MDH1: variants seen among roughly 807,000 people sequenced by gnomAD.
MDH1 encodes the protein malate dehydrogenase, cytoplasmic.
Under a neutral mutation model 38.7 loss-of-function variants are expected in MDH1, and 15 were observed. The ratio of observed to expected loss-of-function variants is 0.39; its 90% CI spans 0.26 to 0.60. The LOEUF (loss-of-function observed/expected upper bound fraction) is 0.60. Among genes scored for constraint, MDH1 ranks in the 20% least tolerant of loss-of-function variants. The probability of loss-of-function intolerance (pLI) is 0.56; values close to 1 mark genes in which losing one functional copy is unlikely to be tolerated. For synonymous variants in MDH1, 144 were observed against 143.6 expected, an observed-to-expected ratio of 1.00 and a Z score of -0.02; for missense variants, 368 against 405.2, an observed-to-expected ratio of 0.91 and a Z score of 0.79.
At chr2:63,595,748 T>A (rs1178247114) in intron 3 of MDH1, among the ~76,000 whole-genome samples, 1 of 152,184 alleles carries the variant, frequency 6.6e-6, no homozygotes, top group Non-Finnish European at 1.5e-5. Flanking sequence ...CCAATGTGTG[T>A]GTGTATATAA....
intron 1 of MDH1, among the ~76,000 whole-genome samples, chr2:63,591,398 G>T (rs1362295154): frequency 1.3e-5 from 2 of 152,204 alleles, no homozygotes; most frequent in Non-Finnish European, 2.9e-5. Flanking sequence ...ACCTGGGAAA[G>T]TAATTTCCCC....
At chr2:63,592,593 G>A (rs1173526328) in intron 1 of MDH1, among the ~76,000 whole-genome samples, 2 of 152,200 alleles carry the variant, frequency 1.3e-5, no homozygotes, top group South Asian at 2.1e-4. Context: ...TGATCCACCC[G>A]CCTTGTCCCC....
In MDH1 at chr2:63,595,029, A is replaced by G. The variant is rs1486523878; in HGVS notation, c.103-394A>G. On this transcript the variant is annotated intron_variant, in intron 2 of 8. Coordinates refer to ENST00000233114, the MANE Select transcript of MDH1 (RefSeq NM_005917.4). ...ACTAAAATCCTTTTCTAAGGTATTCATTTATTCAGTTTCTTGACCCATGGA... is the reference window on the plus strand; with the variant it reads ...ACTAAAATCCTTTTCTAAGGTATTCGTTTATTCAGTTTCTTGACCCATGGA... 1.1e-5 allele frequency: 3 copies of G among 284,778 alleles called. No homozygotes were observed. In the East Asian group the frequency reaches 3.0e-4, roughly 29 times the overall value. The allele number at this position is 284,778 out of a possible 1,614,324, so 17.6% of individuals were successfully genotyped here.
At chr2:63,601,455 G>A (rs936806595) in intron 5 of MDH1, among the ~76,000 whole-genome samples, 7 of 152,202 alleles carry the variant, frequency 4.6e-5, no homozygotes, top group African/African-American at 1.7e-4. Flanking sequence ...AATGATACCA[G>A]TTAGCTTGTA....
At chr2:63,599,418 T>C in intron 5 of MDH1, 126 bp downstream of exon 5, 2 of 917,184 alleles carry the variant, frequency 2.2e-6, no homozygotes, top group Non-Finnish European at 3.1e-6. Flanking sequence ...CCTATTACTT[T>C]TATTAAATTA....
Position 63,594,162 on chromosome 2 carries a change from C to T in MDH1, c.4-326C>T. On this transcript the variant is annotated intron_variant, in intron 1 of 8. Transcript: ENST00000233114. Reference sequence around the variant, plus strand: ...CTTTGCATAATAAGGATTTGTGTGGCTCTAGTGGCTGCCAGGGTTTGGATC... The same window carrying T: ...CTTTGCATAATAAGGATTTGTGTGGTTCTAGTGGCTGCCAGGGTTTGGATC... 4.0e-5 allele frequency: 19 copies of T among 479,418 alleles called. 3 individuals carry two copies. Among genetic ancestry groups the T allele is most frequent in the Middle Eastern group, 3.4e-4 (1 of 2,984 alleles). 29.7% of individuals were successfully genotyped at this position (479,418 alleles called of 1,614,324 possible).
intron 1 of MDH1, chr2:63,593,043 C>T: frequency 6.6e-6 from 1 of 151,456 alleles, no homozygotes; most frequent in East Asian, 1.9e-4. Context: ...ATGTAGTTGG[C>T]TATGATCAAA....
intron 8 of MDH1, among the ~76,000 whole-genome samples, chr2:63,606,512 A>G (rs1709532836): frequency 6.6e-6 from 1 of 152,214 alleles, no homozygotes; most frequent in Non-Finnish European, 1.5e-5. Flanking sequence ...TTAATCTGGA[A>G]AGGAAGATTC....
chr2:63,593,581 C>G (rs749161514), intron 1 of MDH1: 3 of 471,366 alleles, frequency 6.4e-6, no homozygotes, highest in Non-Finnish European at 1.3e-5. Flanking sequence ...AAAAAGAAAC[C>G]AAACACTTCT....
intron 5 of MDH1, among the ~76,000 whole-genome samples, chr2:63,603,425 C>T (rs262470): frequency 0.8 from 122,135 of 152,096 alleles, 49,700 homozygotes; most frequent in East Asian, 0.98. Flanking sequence ...CAACTAGTTT[C>T]TTCTCCCATT....
In MDH1 at chr2:63,606,096, T is replaced by C. The variant is rs563699408; in HGVS notation, c.879+68T>C. ...TATATGTTTCTCTTAAGAATGGTAT[T>C]ATTGGCCAGGCACAGTGGCTCACGC... On this transcript the variant is annotated intron_variant, in intron 8 of 8. Coordinates refer to ENST00000233114, the MANE Select transcript of MDH1 (RefSeq NM_005917.4). 20 of 1,411,532 alleles carry C rather than the reference T, an allele frequency of 1.4e-5. No homozygotes were observed. The South Asian group carries it at 2.2e-4, about 15-fold the overall frequency. The allele number at this position is 1,411,532 out of a possible 1,614,324, so 87.4% of individuals were successfully genotyped here.
At chr2:63,596,248 T>C (rs1415086708) in intron 3 of MDH1, among the ~76,000 whole-genome samples, 10 of 152,214 alleles carry the variant, frequency 6.6e-5, no homozygotes, top group Non-Finnish European at 1.5e-4. Flanking sequence ...TCCTAGAAGT[T>C]TGCACAAAGC....
At position 63,604,876 on chromosome 2, in the gene MDH1, A is replaced by G. The variant is rs779968841; in HGVS notation, c.675+4A>G. ...GCTCAAGGGAGAATTTGTCACGGTA[A>G]GAAAAATCTGTGAGCCTTCTTAACA... On this transcript the variant is annotated splice_donor_region_variant and intron_variant, in intron 6 of 8. Transcript: ENST00000233114. 3 of 1,613,750 alleles carry G rather than the reference A, an allele frequency of 1.9e-6. No individual in the cohort carries two copies. In the African/African-American group the frequency reaches 4.0e-5, roughly 22 times the overall value.
chr2:63,598,838 G>A (rs926184615), intron 4 of MDH1, among the ~76,000 whole-genome samples: 3 of 147,484 alleles, frequency 2.0e-5, no homozygotes, highest in East Asian at 2.0e-4. Flanking sequence ...ATATTTGCCA[G>A]CACTGCACTA....
rs1166652297 is a variant in MDH1, at chr2:63,595,503, C to T, written c.183C>T (p.Ala61=). ...DGVLMELQDC[A]LPLLKDVIAT... is the part of the protein sequence containing the mutation. ...TCCTAATGGAACTGCAAGACTGTGC[C>T]CTTCCCCTCCTGAAAGGTGGGTTGG... The change falls in exon 3 of 9, where the codon GCC becomes GCT. Residue 61 remains alanine (A), a synonymous_variant. Transcript: ENST00000233114. 1.2e-6 allele frequency: 2 copies of T among 1,608,354 alleles called. No individual in the cohort carries two copies. Among genetic ancestry groups the T allele is most frequent in the Admixed American group, 1.7e-5 (1 of 60,006 alleles).
intron 5 of MDH1, among the ~76,000 whole-genome samples, chr2:63,602,878 C>A (rs1441246583): frequency 6.6e-6 from 1 of 150,826 alleles, no homozygotes; most frequent in Non-Finnish European, 1.5e-5. Context: ...TTTCCACTTA[C>A]CCCTTTTATT....
chr2:63,604,388 G>A (rs1709487663), intron 5 of MDH1, among the ~76,000 whole-genome samples: 1 of 152,128 alleles, frequency 6.6e-6, no homozygotes, highest in Non-Finnish European at 1.5e-5. Context: ...ATAAATAATA[G>A]TAACGATTAA....
chr2:63,593,470 T>C, intron 1 of MDH1: 1 of 448,912 alleles, frequency 2.2e-6, no homozygotes. Flanking sequence ...GCTGCTAACT[T>C]TCAGAGCTTA....
intron 2 of MDH1, 85 bp from the exon 3 acceptor site, chr2:63,595,338 A>G (rs1397435070): frequency 1.2e-6 from 1 of 847,186 alleles, no homozygotes; most frequent in South Asian, 1.4e-5. Context: ...GCATGTACAT[A>G]CCAAATAAAA....
Sources: gnomAD v4.1 joint callset for allele counts (sites outside exome capture counted in the v4.1 genomes callset) on GRCh38, gnomAD v4.1.1 for gene constraint, MANE v1.5 for transcripts, NCBI Gene and HGNC (gene_info 2026-07-23, HGNC 2026-07-21) for gene names.